The following GRID2 variants were observed in gnomAD, a reference collection of about 807,000 sequenced individuals.
GRID2 encodes glutamate ionotropic receptor delta type subunit 2.
GRID2 carries 33 observed loss-of-function variants against 114.8 expected under a neutral mutation model. The ratio of observed to expected loss-of-function variants is 0.29; its 90% CI spans 0.22 to 0.38. The LOEUF (loss-of-function observed/expected upper bound fraction) is 0.38, where lower values mean the gene tolerates loss of function less well. GRID2 is among the 10% of genes least tolerant of loss of function. The pLI is 1.00. For synonymous variants in GRID2, 505 were observed against 449.9 expected (o/e 1.12, Z -1.55); for missense variants, 1,184 against 1,257.7 (o/e 0.94, Z 0.89).
chr4:93,376,584 T>G (rs1763402577), intron 8 of GRID2, among the ~76,000 whole-genome samples: 1 of 152,048 alleles, frequency 6.6e-6, no homozygotes, highest in African/African-American at 2.4e-5. Flanking sequence ...GAAAGAAAAT[T>G]TTAATACTGA....
chr4:92,728,348 GTC>G (rs1194729236), intron 2 of GRID2, among the ~76,000 whole-genome samples: 1 of 152,066 alleles, frequency 6.6e-6, no homozygotes, highest in Non-Finnish European at 1.5e-5. Context: ...ATCTGGGTAA[GTC>G]TGATTCAAAG....
chr4:92,313,116 T>C (rs986042341), intron 1 of GRID2, among the ~76,000 whole-genome samples: 1 of 151,402 alleles, frequency 6.6e-6, no homozygotes, highest in Non-Finnish European at 1.5e-5. Flanking sequence ...TGTGTGTGTG[T>C]GTGTGTATAT....
chr4:93,124,106 TA>T (rs35906944), intron 4 of GRID2, among the ~76,000 whole-genome samples: 10 of 131,192 alleles, frequency 7.6e-5, no homozygotes, highest in Admixed American at 1.5e-4. Context: ...TAAAGTATAA[TA>T]AAAAAAAAAG....
Position 93,631,691 on chromosome 4 carries a change from T to C in GRID2, c.2360+5256T>C, listed in dbSNP as rs1198932516. Among the ~76,000 whole-genome samples, 3 of 152,224 alleles carry C rather than the reference T, an allele frequency of 2.0e-5. No individual in the cohort carries two copies. In the East Asian group the frequency reaches 5.8e-4, roughly 29 times the overall value. On this transcript the variant is annotated intron_variant, in intron 14 of 15. Coordinates refer to ENST00000282020, the MANE Select transcript of GRID2 (RefSeq NM_001510.4). ...CAATAAATATACGTGTGCATGTGTC[T>C]TTATAGCAGCATGATTTACAATCCT...
chr4:92,562,707 A>G (rs1390481308), intron 1 of GRID2, among the ~76,000 whole-genome samples: 1 of 152,146 alleles, frequency 6.6e-6, no homozygotes, highest in East Asian at 1.9e-4. Flanking sequence ...TTTGGAGTCC[A>G]AACTGGATTT....
chr4:92,507,415 TTGTGTGTGTG>T (rs70940902), intron 1 of GRID2, among the ~76,000 whole-genome samples: 1 of 149,244 alleles, frequency 6.7e-6, no homozygotes, highest in African/African-American at 2.5e-5. Flanking sequence ...TCGTGTATAA[TTGTGTGTGTG>T]TGTGTGTGTG....
At chr4:93,723,874 T>C (rs1462706953) in intron 14 of GRID2, among the ~76,000 whole-genome samples, 1 of 152,168 alleles carries the variant, frequency 6.6e-6, no homozygotes, top group African/African-American at 2.4e-5. Flanking sequence ...AATAACAAAC[T>C]GGTAACCAAT....
At chr4:93,340,987 A>G (rs1759590253) in intron 8 of GRID2, among the ~76,000 whole-genome samples, 1 of 152,170 alleles carries the variant, frequency 6.6e-6, no homozygotes, top group Non-Finnish European at 1.5e-5. Context: ...TTGTGGGTCT[A>G]TCTAATTTAT....
intron 14 of GRID2, among the ~76,000 whole-genome samples, chr4:93,711,813 C>T (rs1728504884): frequency 6.6e-6 from 1 of 152,162 alleles, no homozygotes; most frequent in Non-Finnish European, 1.5e-5. Flanking sequence ...TCTTTCCTAC[C>T]CTCCTCAGTG....
intron 8 of GRID2, among the ~76,000 whole-genome samples, chr4:93,323,984 C>T (rs886222826): frequency 6.6e-6 from 1 of 152,162 alleles, no homozygotes; most frequent in Non-Finnish European, 1.5e-5. Flanking sequence ...ACAATCATGT[C>T]ATCTGCAAAC....
intron 14 of GRID2, among the ~76,000 whole-genome samples, chr4:93,700,101 A>T (rs1249047717): frequency 6.6e-6 from 1 of 152,148 alleles, no homozygotes; most frequent in Non-Finnish European, 1.5e-5. Context: ...ACCCAAAGAT[A>T]GTTTAAGGTC....
At chr4:93,622,640 A>G (rs1387984982) in intron 13 of GRID2, among the ~76,000 whole-genome samples, 1 of 152,166 alleles carries the variant, frequency 6.6e-6, no homozygotes, top group Non-Finnish European at 1.5e-5. Context: ...TGCTTTCTTT[A>G]GGGAAAAAAC....
At chr4:92,592,674 C>T (rs977253696) in intron 2 of GRID2, among the ~76,000 whole-genome samples, 1 of 152,030 alleles carries the variant, frequency 6.6e-6, no homozygotes, top group African/African-American at 2.4e-5. Context: ...CTGATACTAA[C>T]AGGATGTTCT....
At chr4:93,731,676 T>C (rs1488737269) in intron 14 of GRID2, among the ~76,000 whole-genome samples, 1 of 152,208 alleles carries the variant, frequency 6.6e-6, no homozygotes, top group Non-Finnish European at 1.5e-5. Context: ...CAGAGGACTC[T>C]GATGTCACCA....
intron 11 of GRID2, among the ~76,000 whole-genome samples, chr4:93,462,730 G>A (rs549991897): frequency 2.4e-4 from 36 of 152,106 alleles, no homozygotes; most frequent in Admixed American, 3.9e-4. Flanking sequence ...AATTTTAATA[G>A]TGTAGATATC....
intron 11 of GRID2, among the ~76,000 whole-genome samples, chr4:93,489,423 C>A (rs529020959): frequency 1.1e-3 from 169 of 152,004 alleles, no homozygotes; most frequent in Non-Finnish European, 2.0e-3. Context: ...TACATAGAGT[C>A]TTGTAAACCT....
chr4:92,756,263 A>G (rs1311944606), intron 2 of GRID2, among the ~76,000 whole-genome samples: 4 of 152,136 alleles, frequency 2.6e-5, no homozygotes, highest in African/African-American at 9.7e-5. Flanking sequence ...GTTGCTGTAA[A>G]TGGCATAATT....
chr4:92,319,151 A>G (rs1726171653), intron 1 of GRID2, among the ~76,000 whole-genome samples: 1 of 152,178 alleles, frequency 6.6e-6, no homozygotes, highest in Non-Finnish European at 1.5e-5. Context: ...TTTATAATGT[A>G]TCCTTAGAGA....
At chr4:93,017,889 T>C (rs568124611) in intron 2 of GRID2, among the ~76,000 whole-genome samples, 130 of 149,422 alleles carry the variant, frequency 8.7e-4, no homozygotes, top group Non-Finnish European at 1.4e-3. Flanking sequence ...AAGCTTTTTT[T>C]TTTTTTTTTT....
Sources: allele counts gnomAD v4.1 joint callset (sites outside exome capture counted in the v4.1 genomes callset), GRCh38; gene constraint gnomAD v4.1.1; transcripts MANE v1.5; gene names NCBI Gene and HGNC (gene_info 2026-07-23, HGNC 2026-07-21).